The following CADM2 variants were observed in gnomAD, a reference collection of about 807,000 sequenced individuals.
CADM2 encodes immunoglobulin superfamily member 4D.
Under a neutral mutation model 49.8 loss-of-function variants are expected in CADM2, and 12 were observed. The ratio of observed to expected loss-of-function variants is 0.24; its 90% CI spans 0.15 to 0.39. CADM2 has a LOEUF of 0.39. Among genes scored for constraint, CADM2 ranks in the 10% least tolerant of loss-of-function variants. The pLI, the probability that CADM2 is intolerant of heterozygous loss-of-function variation, is 1.00. For synonymous variants in CADM2, 214 were observed against 175.4 expected, an observed-to-expected ratio of 1.22 and a Z score of -1.74; for missense variants, 378 against 492.3, an observed-to-expected ratio of 0.77 and a Z score of 2.20.
intron 2 of CADM2, among the ~76,000 whole-genome samples, chr3:85,799,582 T>C (rs1008935224): frequency 2.6e-5 from 4 of 152,218 alleles, no homozygotes; most frequent in African/African-American, 7.2e-5. Context: ...TTTATTGATT[T>C]GAGTATGTTG....
intron 2 of CADM2, among the ~76,000 whole-genome samples, chr3:85,765,773 G>A (rs1273855536): frequency 6.6e-6 from 1 of 151,336 alleles, no homozygotes; most frequent in Non-Finnish European, 1.5e-5. Flanking sequence ...GTATCTTATT[G>A]AGTATATGAC....
chr3:85,983,826 C>G (rs904384641), intron 8 of CADM2, among the ~76,000 whole-genome samples: 72 of 150,898 alleles, frequency 4.8e-4, no homozygotes, highest in Middle Eastern at 7.0e-3. Flanking sequence ...TATCTTTCAT[C>G]TATCATTCAT....
intron 1 of CADM2, among the ~76,000 whole-genome samples, chr3:85,637,063 A>G (rs555597670): frequency 7.6e-4 from 112 of 148,196 alleles, no homozygotes; most frequent in African/African-American, 2.7e-3. Flanking sequence ...CTGAAAGGTA[A>G]ATATTAACAT....
chr3:86,067,441 C>T lies in CADM2; in HGVS notation c.*658C>T, dbSNP rs2107446811. The T allele has an allele frequency of 6.6e-6, 1 of 152,622 alleles. No homozygotes were observed. The highest frequency in any genetic ancestry group is 2.4e-5 in the African/African-American group (1 of 41,560). The allele number at this position is 152,622 out of a possible 1,614,324, so 9.5% of individuals were successfully genotyped here. A position where few individuals can be genotyped will look rare whatever the true frequency, so the allele number is the denominator to read the frequency against. Reference sequence around the variant, plus strand: ...CCATGTGTACGAATTGCAATCATGACATGGTATTTTCTATAATTATAGAGA... The same window carrying T: ...CCATGTGTACGAATTGCAATCATGATATGGTATTTTCTATAATTATAGAGA... On this transcript the variant is annotated 3_prime_UTR_variant, in exon 10 of 10. Coordinates refer to ENST00000383699, the MANE Select transcript of CADM2 (RefSeq NM_001167675.2).
chr3:85,876,779 T>C (rs1348684561), intron 3 of CADM2, among the ~76,000 whole-genome samples: 1 of 152,170 alleles, frequency 6.6e-6, no homozygotes, highest in Non-Finnish European at 1.5e-5. Flanking sequence ...TCATGCTACA[T>C]AAATTCAACA....
At chr3:85,373,672 G>T (rs1257546955) in intron 1 of CADM2, among the ~76,000 whole-genome samples, 1 of 152,164 alleles carries the variant, frequency 6.6e-6, no homozygotes, top group Non-Finnish European at 1.5e-5. Context: ...GGACATCTAG[G>T]CATTTCCATA....
intron 1 of CADM2, among the ~76,000 whole-genome samples, chr3:85,221,646 T>C (rs542385292): frequency 1.1e-4 from 16 of 152,298 alleles, no homozygotes; most frequent in Non-Finnish European, 2.4e-4. Context: ...TTATAGGCAT[T>C]ATGCCATAAA....
At chr3:85,895,485 T>C (rs1470279411) in intron 5 of CADM2, among the ~76,000 whole-genome samples, 1 of 152,224 alleles carries the variant, frequency 6.6e-6, no homozygotes, top group Non-Finnish European at 1.5e-5. Context: ...CAGAAGGGAC[T>C]AGCCTTGTCT....
intron 1 of CADM2, among the ~76,000 whole-genome samples, chr3:85,160,207 A>G (rs2040275098): frequency 6.6e-6 from 1 of 152,118 alleles, no homozygotes. Context: ...GTTTTATTAT[A>G]TCTGTTGTCA....
At chr3:85,685,057 C>A (rs2066161687) in intron 1 of CADM2, among the ~76,000 whole-genome samples, 1 of 152,144 alleles carries the variant, frequency 6.6e-6, no homozygotes, top group South Asian at 2.1e-4. Context: ...TAGAGACCAT[C>A]CTGGCTAACA....
chr3:85,126,848 G>T (rs1034975972), intron 1 of CADM2, among the ~76,000 whole-genome samples: 4 of 152,022 alleles, frequency 2.6e-5, no homozygotes, highest in Non-Finnish European at 5.9e-5. Flanking sequence ...GAATCATATT[G>T]CTGTGAGTTA....
At chr3:85,621,126 G>A (rs184896715) in intron 1 of CADM2, among the ~76,000 whole-genome samples, 1 of 152,094 alleles carries the variant, frequency 6.6e-6, no homozygotes, top group African/African-American at 2.4e-5. Context: ...AATGACCTCT[G>A]TTCTAACAAA....
chr3:86,071,504 G>T lies in CADM2; in HGVS notation c.*4721G>T, dbSNP rs577045996. On this transcript the variant is annotated 3_prime_UTR_variant, in exon 10 of 10. Coordinates refer to ENST00000383699, the MANE Select transcript of CADM2 (RefSeq NM_001167675.2). ...GAGATTATTAATATTGAATGCAATAGTTATTGGATATAGCTGGTAAGTTCT... is the reference window on the plus strand; with the variant it reads ...GAGATTATTAATATTGAATGCAATATTTATTGGATATAGCTGGTAAGTTCT... The T allele has an allele frequency of 6.6e-6, 1 of 151,832 alleles. No homozygotes were observed. Among genetic ancestry groups the T allele is most frequent in the Non-Finnish European group, 1.5e-5 (1 of 67,818 alleles). 9.4% of individuals were successfully genotyped at this position (151,832 alleles called of 1,614,324 possible).
At chr3:85,062,833 T>C (rs2036384980) in intron 1 of CADM2, among the ~76,000 whole-genome samples, 1 of 151,998 alleles carries the variant, frequency 6.6e-6, no homozygotes, top group Non-Finnish European at 1.5e-5. Flanking sequence ...GTTTTAAAAT[T>C]ACATCTCAGC....
At chr3:85,880,333 T>C (rs1712554194) in intron 3 of CADM2, among the ~76,000 whole-genome samples, 1 of 152,218 alleles carries the variant, frequency 6.6e-6, no homozygotes, top group Non-Finnish European at 1.5e-5. Context: ...TTTGTTTTAA[T>C]AATCTTATAT....
chr3:85,157,300 A>C (rs1172667727), intron 1 of CADM2, among the ~76,000 whole-genome samples: 4 of 151,140 alleles, frequency 2.6e-5, no homozygotes, highest in Non-Finnish European at 4.4e-5. Context: ...ATCCCCATCA[A>C]GCTACCAATG....
intron 1 of CADM2, among the ~76,000 whole-genome samples, chr3:85,025,992 A>G (rs1356776175): frequency 1.3e-5 from 2 of 152,152 alleles, no homozygotes; most frequent in East Asian, 3.9e-4. Context: ...GCACTTTGCC[A>G]ACACATTCTT....
chr3:85,856,837 G>GA (rs2075336210), intron 3 of CADM2, among the ~76,000 whole-genome samples: 2 of 152,078 alleles, frequency 1.3e-5, no homozygotes, highest in East Asian at 3.9e-4. Flanking sequence ...CACTGCTTAG[G>GA]AAATTAAGTA....
chr3:85,045,692 C>A (rs2035628382), intron 1 of CADM2, among the ~76,000 whole-genome samples: 1 of 151,766 alleles, frequency 6.6e-6, no homozygotes, highest in Non-Finnish European at 1.5e-5. Flanking sequence ...AGGTGGGAAA[C>A]AAAACTGATG....
Sources: allele counts gnomAD v4.1 joint callset (sites outside exome capture counted in the v4.1 genomes callset), GRCh38; gene constraint gnomAD v4.1.1; transcripts MANE v1.5; gene names NCBI Gene and HGNC (gene_info 2026-07-23, HGNC 2026-07-21).